Variants in CDRT4 observed in about 807,000 individuals in gnomAD.
The protein encoded by CDRT4 is CMT1A duplicated region transcript 4 protein.
For missense variants in CDRT4, 167 were observed against 193.1 expected (o/e 0.87, Z 0.80); for synonymous variants, 64 against 69.6 (o/e 0.92, Z 0.40).
Position 15,464,593 on chromosome 17 carries a change from T to C in CDRT4, c.-130+2867A>G, listed in dbSNP as rs1251509983. ...GTGCCCTCACCCCAATCTCTGCTGG[T>C]GCACCTCCCTGGCAGCTTCCCTCTG... On this transcript the variant is annotated intron_variant, in intron 1 of 3. Transcript: ENST00000619038. This position sits in a 1 kb window ranked among gnomAD's most constrained non-coding sequence, Gnocchi z 4.5. Among the ~76,000 whole-genome samples the C allele has an allele frequency of 6.6e-6, 1 of 152,042 alleles. No homozygotes were observed. Among genetic ancestry groups the C allele is most frequent in the Non-Finnish European group, 1.5e-5 (1 of 67,996 alleles).
chr17:15,465,553 A>C (rs1979996735), intron 1 of CDRT4, among the ~76,000 whole-genome samples: 1 of 151,576 alleles, frequency 6.6e-6, no homozygotes, highest in African/African-American at 2.4e-5. Context: ...ACACAAACAC[A>C]CACAACAAAG....
intron 2 of CDRT4, among the ~76,000 whole-genome samples, chr17:15,449,502 C>T (rs558400236): frequency 5.7e-4 from 87 of 152,348 alleles, no homozygotes; most frequent in South Asian, 1.9e-3. Flanking sequence ...CCAACCAACA[C>T]TTCTCCCTTC....
chr17:15,460,344 T>G (rs1002993006), intron 1 of CDRT4, among the ~76,000 whole-genome samples: 1 of 152,194 alleles, frequency 6.6e-6, no homozygotes, highest in African/African-American at 2.4e-5. Context: ...CAACCTGTAA[T>G]TGTCTTAAAT....
chr17:15,440,052 A>G (rs977170914), intron 3 of CDRT4, among the ~76,000 whole-genome samples, 156 bp downstream of exon 3: 2 of 151,888 alleles, frequency 1.3e-5, no homozygotes, highest in Non-Finnish European at 2.9e-5. Context: ...ACAAACCTGC[A>G]CGTTGTGCAC....
In CDRT4 at chr17:15,457,072, G is replaced by A. The variant is rs1230559338; in HGVS notation, c.-129-3987C>T. Among the ~76,000 whole-genome samples the A allele has an allele frequency of 2.6e-5, 4 of 152,196 alleles. 1 individual carries two copies. In the Middle Eastern group the frequency reaches 0.01, roughly 391 times the overall value. On this transcript the variant is annotated intron_variant, in intron 1 of 3. Coordinates refer to ENST00000619038, the MANE Select transcript of CDRT4 (RefSeq NM_001204477.2). ...TCCAGTCCAACATCTCAGCCCTCGC[G>A]CTACTTTGCCTCTGTACCTCGGTTT...
chr17:15,443,373 G>A (rs900711642), intron 2 of CDRT4, among the ~76,000 whole-genome samples: 3 of 150,590 alleles, frequency 2.0e-5, no homozygotes, highest in Non-Finnish European at 4.4e-5. Context: ...TTGAACTCCT[G>A]GGCTCAAGCA....
chr17:15,440,234 T>C lies in CDRT4; in HGVS notation c.5A>G (p.Asp2Gly), dbSNP rs769021037. Reference protein sequence around the residue: MDARRMKKEEGL... With the variant: MGARRMKKEEGL... ...TTCTTCTTTCTTCATCCTTCTTGCATCCATCTTCTTTTTAATATTTACTGA... is the reference window on the plus strand; with the variant it reads ...TTCTTCTTTCTTCATCCTTCTTGCACCCATCTTCTTTTTAATATTTACTGA... The change falls in exon 3 of 4, where the codon GAT becomes GGT. Residue 2 changes from aspartate to glycine, a missense_variant. Coordinates refer to ENST00000619038, the MANE Select transcript of CDRT4 (RefSeq NM_001204477.2). 3.7e-6 allele frequency: 6 copies of C among 1,613,744 alleles called. No individual in the cohort carries two copies. The highest frequency in any genetic ancestry group is 5.1e-6 in the Non-Finnish European group (6 of 1,179,998).
intron 1 of CDRT4, among the ~76,000 whole-genome samples, chr17:15,461,679 C>A (rs1979755519): frequency 6.6e-6 from 1 of 152,172 alleles, no homozygotes; most frequent in Admixed American, 6.6e-5. Flanking sequence ...TGAGAACCAC[C>A]AGATTGGACC....
chr17:15,454,257 C>T (rs771008809), intron 1 of CDRT4, among the ~76,000 whole-genome samples: 1 of 152,150 alleles, frequency 6.6e-6, no homozygotes, highest in African/African-American at 2.4e-5. Context: ...CATCTGCTCA[C>T]CAAAAGGCAC....
At position 15,465,248 on chromosome 17, in the gene CDRT4, C is replaced by T. The variant is rs1263592174; in HGVS notation, c.-130+2212G>A. Among the ~76,000 whole-genome samples, 4 of 128,220 alleles carry T rather than the reference C, an allele frequency of 3.1e-5. 1 individual carries two copies. The highest frequency in any genetic ancestry group is 6.9e-5 in the African/African-American group (2 of 29,182). The allele number at this position is 128,220 out of a possible 152,430, so 84.1% of individuals were successfully genotyped here. A position where few individuals can be genotyped will look rare whatever the true frequency, so the allele number is the denominator to read the frequency against. On this transcript the variant is annotated intron_variant, in intron 1 of 3. Coordinates refer to ENST00000619038, the MANE Select transcript of CDRT4 (RefSeq NM_001204477.2). The stretch of plus-strand genomic sequence containing the variant: ...CACACAGACACACACAACAGACACA[C>T]ACCAACACACACAACACACACACCA...
chr17:15,443,446 AT>A (rs34178494), intron 2 of CDRT4, among the ~76,000 whole-genome samples: 93,304 of 125,280 alleles, frequency 0.74, 37,734 homozygotes, highest in Non-Finnish European at 0.93. Context: ...TAGCTGGATA[AT>A]TTTTTTTTTT....
At chr17:15,457,089 C>T (rs1288163736) in intron 1 of CDRT4, among the ~76,000 whole-genome samples, 1 of 152,098 alleles carries the variant, frequency 6.6e-6, no homozygotes, top group Non-Finnish European at 1.5e-5. Flanking sequence ...TGCCTCTGTA[C>T]CTCGGTTTCC....
chr17:15,451,025 A>G (rs1010281303), intron 2 of CDRT4, among the ~76,000 whole-genome samples: 1 of 152,134 alleles, frequency 6.6e-6, no homozygotes, highest in Non-Finnish European at 1.5e-5. Context: ...TTGTTCCCCT[A>G]TGATATGATT....
intron 1 of CDRT4, among the ~76,000 whole-genome samples, chr17:15,460,602 A>G (rs1308348383): frequency 1.3e-5 from 2 of 152,112 alleles, no homozygotes; most frequent in Non-Finnish European, 2.9e-5. Context: ...GTGATCAAAC[A>G]TGTTGCCCCA....
rs1311295936 is a variant in CDRT4 at position 15,464,354 on chromosome 17, T to C, written c.-130+3106A>G. 6.6e-6 allele frequency among the ~76,000 whole-genome samples: 1 copy of C among 152,114 alleles called. No individual in the cohort carries two copies. Among genetic ancestry groups the C allele is most frequent in the African/African-American group, 2.4e-5 (1 of 41,412 alleles). ...CAGCACCTGCCCTAGGCTTGGCCCC[T>C]GGCACAAGTCAAAGGAGGAAATGAT... On this transcript the variant is annotated intron_variant, in intron 1 of 3. Coordinates refer to ENST00000619038, the MANE Select transcript of CDRT4 (RefSeq NM_001204477.2). This position sits in a 1 kb window ranked among gnomAD's most constrained non-coding sequence, Gnocchi z 4.5.
chr17:15,444,995 C>G lies in CDRT4; in HGVS notation c.-47-4710G>C, dbSNP rs1978953057. ...CTCATGCAAATCTAATGATCTCACC[C>G]TCTCTGGCCGCAAGCTGCATCCTTA... is the stretch of plus-strand genomic sequence containing the variant. On this transcript the variant is annotated intron_variant, in intron 2 of 3. Transcript: ENST00000619038. Among the ~76,000 whole-genome samples, 3 of 152,204 alleles carry G rather than the reference C, an allele frequency of 2.0e-5. No homozygotes were observed. In the South Asian group the frequency reaches 6.2e-4, roughly 31 times the overall value.
At chr17:15,458,099 T>C (rs1429582122) in intron 1 of CDRT4, among the ~76,000 whole-genome samples, 1 of 152,178 alleles carries the variant, frequency 6.6e-6, no homozygotes, top group Non-Finnish European at 1.5e-5. Context: ...AACCAAAAGA[T>C]GTGTGTGCTG....
intron 2 of CDRT4, among the ~76,000 whole-genome samples, chr17:15,449,679 A>G (rs1028675888): frequency 6.6e-6 from 1 of 152,182 alleles, no homozygotes; most frequent in East Asian, 1.9e-4. Flanking sequence ...CTTTGTACCC[A>G]ACAGGTAATT....
At chr17:15,443,703 GAC>G (rs1364536161) in intron 2 of CDRT4, 18 of 456,392 alleles carry the variant, frequency 3.9e-5, no homozygotes, top group South Asian at 9.0e-5. Context: ...ACTCTGAAGG[GAC>G]ACACAGTTAT....
Sources: gnomAD v4.1 joint callset for allele counts (sites outside exome capture counted in the v4.1 genomes callset) on GRCh38, gnomAD v4.1.1 for gene constraint, Gnocchi (gnomAD v3.1) non-coding constraint, MANE v1.5 for transcripts, NCBI Gene and HGNC (gene_info 2026-07-23, HGNC 2026-07-21) for gene names.